RYR3: variants seen among roughly 807,000 people sequenced by gnomAD.
RYR3 encodes brain ryanodine receptor-calcium release channel.
A neutral mutation model predicts 584.3 loss-of-function variants in RYR3; 207 were observed. That is an observed-to-expected ratio of 0.35 (90% confidence interval 0.32 to 0.40). The LOEUF is 0.40. Among genes scored for constraint, RYR3 ranks in the 10% least tolerant of loss-of-function variants. The pLI, the probability that RYR3 is intolerant of heterozygous loss-of-function variation, is 1.00. For synonymous variants in RYR3, 2,416 were observed against 2,248.5 expected, an observed-to-expected ratio of 1.07 and a Z score of -2.11; for missense variants, 5,616 against 6,089.2, an observed-to-expected ratio of 0.92 and a Z score of 2.59.
intron 25 of RYR3, among the ~76,000 whole-genome samples, 166 bp downstream of exon 25, chr15:33,634,899 A>G (rs1008784913): frequency 2.6e-5 from 4 of 152,210 alleles, no homozygotes; most frequent in African/African-American, 9.6e-5. Flanking sequence ...CGGGGAGACC[A>G]TGTTTGATAT....
chr15:33,763,606 C>T (rs932962400), intron 60 of RYR3, among the ~76,000 whole-genome samples: 3 of 151,962 alleles, frequency 2.0e-5, no homozygotes, highest in Non-Finnish European at 4.4e-5. Flanking sequence ...ATTAAAAAGT[C>T]GGGAGGGCAG....
intron 1 of RYR3, among the ~76,000 whole-genome samples, chr15:33,376,328 C>T (rs960220206): frequency 3.9e-5 from 6 of 152,076 alleles, no homozygotes; most frequent in Admixed American, 3.3e-4. Context: ...GAGTAATATT[C>T]CTTTGTATGA....
At chr15:33,739,181 A>G (rs1423220900) in intron 50 of RYR3, among the ~76,000 whole-genome samples, 1 of 152,178 alleles carries the variant, frequency 6.6e-6, no homozygotes, top group Admixed American at 6.5e-5. Context: ...TGAGGTCAGG[A>G]GCTTTAAAGG....
intron 1 of RYR3, among the ~76,000 whole-genome samples, chr15:33,353,739 A>C (rs2140949150): frequency 6.6e-6 from 1 of 152,298 alleles, no homozygotes; most frequent in South Asian, 2.1e-4. Context: ...CCTGCGGAGC[A>C]GTTTTCCCTC....
intron 41 of RYR3, 24 bp from the exon 42 acceptor site, chr15:33,700,953 G>C: frequency 4.5e-6 from 7 of 1,568,130 alleles, no homozygotes; most frequent in Non-Finnish European, 6.1e-6. Context: ...TCCTTTTCTT[G>C]CTAATTCTCC....
At chr15:33,647,494 T>C in intron 30 of RYR3, 34 bp downstream of exon 30, 1 of 1,509,944 alleles carries the variant, frequency 6.6e-7, no homozygotes, top group Non-Finnish European at 9.2e-7. Flanking sequence ...GTTTTAATTA[T>C]TTGATTCTTT....
chr15:33,664,589 G>GTATATATGTATATA (rs2063373673), intron 36 of RYR3, among the ~76,000 whole-genome samples: 1 of 91,384 alleles, frequency 1.1e-5, no homozygotes, highest in African/African-American at 4.4e-5. Flanking sequence ...GTGTGTGTGT[G>GTATATATGTATATA]TATATATATA....
intron 1 of RYR3, among the ~76,000 whole-genome samples, chr15:33,432,504 T>C (rs1236458546): frequency 6.6e-6 from 1 of 152,078 alleles, no homozygotes; most frequent in Non-Finnish European, 1.5e-5. Flanking sequence ...TCCAGGTGAC[T>C]ATGAAACGAT....
chr15:33,364,298 C>T (rs1975174014), intron 1 of RYR3, among the ~76,000 whole-genome samples: 1 of 152,084 alleles, frequency 6.6e-6, no homozygotes, highest in Non-Finnish European at 1.5e-5. Context: ...ACATTCCTTC[C>T]ATCACAAACC....
chr15:33,467,634 A>G (rs1192585367), intron 1 of RYR3: 1 of 197,902 alleles, frequency 5.1e-6, no homozygotes, highest in East Asian at 1.9e-4. Flanking sequence ...AGAGAGCCAA[A>G]GGCTGTATAT....
intron 19 of RYR3, among the ~76,000 whole-genome samples, chr15:33,616,422 G>A (rs2060456218): frequency 6.6e-6 from 1 of 152,156 alleles, no homozygotes; most frequent in Non-Finnish European, 1.5e-5. Context: ...CAGTTAGCAG[G>A]TGAAAAAATA....
chr15:33,561,253 T>C (rs2057383059), intron 10 of RYR3, among the ~76,000 whole-genome samples: 3 of 152,230 alleles, frequency 2.0e-5, no homozygotes, highest in Non-Finnish European at 4.4e-5. Context: ...GACAAACACA[T>C]TTTACATTAT....
chr15:33,461,172 C>T (rs1447466067), intron 1 of RYR3, among the ~76,000 whole-genome samples: 1 of 152,008 alleles, frequency 6.6e-6, no homozygotes, highest in East Asian at 1.9e-4. Context: ...TCTTGATCTC[C>T]TGACCTCGTG....
intron 43 of RYR3, among the ~76,000 whole-genome samples, chr15:33,712,789 T>G (rs1010395641): frequency 2.0e-5 from 3 of 152,214 alleles, no homozygotes; most frequent in Non-Finnish European, 2.9e-5. Flanking sequence ...CAAATTTGGC[T>G]CTATCATTTA....
chr15:33,647,411 A>G lies in RYR3; in HGVS notation c.3942-13A>G. On this transcript the variant is annotated splice_polypyrimidine_tract_variant and intron_variant, in intron 29 of 103. Transcript: ENST00000634891. ...CAGCTGAATAACTAAAACATGGATT[A>G]TCTTTCCCCCAGGAAACAGATGCAA... 6.2e-7 allele frequency: 1 copy of G among 1,603,850 alleles called. No homozygotes were observed. The highest frequency in any genetic ancestry group is 8.5e-7 in the Non-Finnish European group (1 of 1,170,822).
chr15:33,840,125 A>T (rs964377890), intron 89 of RYR3, among the ~76,000 whole-genome samples: 34 of 152,200 alleles, frequency 2.2e-4, no homozygotes, highest in Non-Finnish European at 4.1e-4. Flanking sequence ...GGCCCAACAG[A>T]AATAGGTAGA....
chr15:33,853,328 C>A (rs1165836537), intron 95 of RYR3, among the ~76,000 whole-genome samples: 1 of 152,214 alleles, frequency 6.6e-6, no homozygotes, highest in Non-Finnish European at 1.5e-5. Context: ...TAGATGTTTT[C>A]TCCCCTGCAA....
chr15:33,435,266 CTGA>C (rs2045568166), intron 1 of RYR3, among the ~76,000 whole-genome samples: 1 of 152,154 alleles, frequency 6.6e-6, no homozygotes, highest in Non-Finnish European at 1.5e-5. Flanking sequence ...TCTCCAACCT[CTGA>C]TAATTATAAT....
intron 1 of RYR3, among the ~76,000 whole-genome samples, chr15:33,349,311 T>C (rs1972895895): frequency 6.6e-6 from 1 of 152,116 alleles, no homozygotes; most frequent in Non-Finnish European, 1.5e-5. Flanking sequence ...GCGTGAATGC[T>C]AGATGTATGG....
Sources: gnomAD v4.1 joint callset for allele counts (sites outside exome capture counted in the v4.1 genomes callset) on GRCh38, gnomAD v4.1.1 for gene constraint, MANE v1.5 for transcripts, NCBI Gene and HGNC (gene_info 2026-07-23, HGNC 2026-07-21) for gene names.